NXPH1: variants seen among roughly 807,000 people sequenced by gnomAD.
NXPH1 encodes neurexophilin-1.
Under a neutral mutation model 23.7 loss-of-function variants are expected in NXPH1, and 5 were observed. The observed-to-expected ratio is 0.21, with a 90% confidence interval of 0.11 to 0.44. The LOEUF (loss-of-function observed/expected upper bound fraction) is 0.44. NXPH1 is among the 20% of genes least tolerant of loss of function. The probability of loss-of-function intolerance (pLI) is 0.99; values close to 1 mark genes in which losing one functional copy is unlikely to be tolerated. For missense variants in NXPH1, 324 were observed against 321.6 expected (o/e 1.01, Z -0.06); for synonymous variants, 144 against 122.2 (o/e 1.18, Z -1.18).
chr7:8,515,181 C>A (rs137914406), intron 2 of NXPH1, among the ~76,000 whole-genome samples: 1 of 152,136 alleles, frequency 6.6e-6, no homozygotes, highest in East Asian at 1.9e-4. Flanking sequence ...GAAAATGTTT[C>A]CCATGGGGGA....
intron 2 of NXPH1, among the ~76,000 whole-genome samples, chr7:8,545,523 C>A (rs1378792080): frequency 2.6e-5 from 4 of 151,280 alleles, no homozygotes; most frequent in African/African-American, 9.7e-5. Context: ...ACATATATAC[C>A]TCAATACACA....
At chr7:8,491,846 A>G (rs1584190958) in intron 2 of NXPH1, among the ~76,000 whole-genome samples, 1 of 152,212 alleles carries the variant, frequency 6.6e-6, no homozygotes, top group Non-Finnish European at 1.5e-5. Context: ...TTGCAGCTTC[A>G]GCTGACTGAC....
intron 2 of NXPH1, among the ~76,000 whole-genome samples, chr7:8,708,036 A>T (rs968093998): frequency 2.0e-5 from 3 of 152,312 alleles, no homozygotes; most frequent in African/African-American, 7.2e-5. Flanking sequence ...ATATATGAAT[A>T]TGCAAATTTT....
In NXPH1 at chr7:8,458,331, T is replaced by C. The variant is rs542292963; in HGVS notation, c.54+22564T>C. ...GTGGGGGAAGGAAACAACCCACAGA[T>C]TCATGCTGTGGTTGATATATACTGG... On this transcript the variant is annotated intron_variant, in intron 2 of 2. Coordinates refer to ENST00000405863, the MANE Select transcript of NXPH1 (RefSeq NM_152745.3). Among the ~76,000 whole-genome samples the C allele has an allele frequency of 5.3e-5, 8 of 152,338 alleles. No individual in the cohort carries two copies. In the East Asian group the frequency reaches 1.5e-3, roughly 29 times the overall value.
chr7:8,732,530 C>T (rs1426245560), intron 2 of NXPH1, among the ~76,000 whole-genome samples: 1 of 152,176 alleles, frequency 6.6e-6, no homozygotes, highest in Non-Finnish European at 1.5e-5. Context: ...CTTCTCTCTT[C>T]CTGAAAGGCA....
intron 2 of NXPH1, among the ~76,000 whole-genome samples, chr7:8,603,730 C>G (rs1311366312): frequency 6.6e-6 from 1 of 152,014 alleles, no homozygotes; most frequent in Non-Finnish European, 1.5e-5. Flanking sequence ...TTACTCTCTC[C>G]AGGATCTTAG....
rs906124675 is a variant in NXPH1 at position 8,752,372 on chromosome 7, T to G, written c.*603T>G. The G allele has an allele frequency of 3.9e-5, 6 of 152,834 alleles. No individual in the cohort carries two copies. The highest frequency in any genetic ancestry group is 1.2e-4 in the African/African-American group (5 of 41,420). The allele number at this position is 152,834 out of a possible 1,614,324, so 9.5% of individuals were successfully genotyped here. A position where few individuals can be genotyped will look rare whatever the true frequency, so the allele number is the denominator to read the frequency against. On this transcript the variant is annotated 3_prime_UTR_variant, in exon 3 of 3. Transcript: ENST00000405863. ...GTAGTAACTTTTTTCCAGCATACAG[T>G]AGGCACATTCAAAGTGGTCCAAGAT...
At chr7:8,455,821 A>C (rs4644134) in intron 2 of NXPH1, among the ~76,000 whole-genome samples, 89,332 of 152,144 alleles carry the variant, frequency 0.59, 28,232 homozygotes, top group East Asian at 0.85. Flanking sequence ...TGGCTTGTTA[A>C]AAAGCACATT....
intron 2 of NXPH1, among the ~76,000 whole-genome samples, chr7:8,622,583 G>T (rs1290062999): frequency 6.6e-6 from 1 of 152,276 alleles, no homozygotes; most frequent in Middle Eastern, 3.4e-3. Flanking sequence ...TATCAAATAC[G>T]AGGGATAATT....
intron 2 of NXPH1, among the ~76,000 whole-genome samples, chr7:8,534,016 A>G (rs924614043): frequency 2.0e-5 from 3 of 152,178 alleles, no homozygotes; most frequent in African/African-American, 7.2e-5. Flanking sequence ...ACCAAATGTT[A>G]ACAACATATT....
chr7:8,517,298 C>T (rs1338394991), intron 2 of NXPH1, among the ~76,000 whole-genome samples: 1 of 151,842 alleles, frequency 6.6e-6, no homozygotes, highest in Non-Finnish European at 1.5e-5. Context: ...GAAATTGGGA[C>T]TAAAGGGTAA....
intron 2 of NXPH1, among the ~76,000 whole-genome samples, chr7:8,635,254 G>A (rs915259232): frequency 6.6e-6 from 1 of 152,176 alleles, no homozygotes; most frequent in African/African-American, 2.4e-5. Context: ...GCTATTAGCA[G>A]GCTGAAGGCA....
intron 2 of NXPH1, among the ~76,000 whole-genome samples, chr7:8,701,213 A>G (rs1478624922): frequency 6.6e-6 from 1 of 152,130 alleles, no homozygotes; most frequent in Non-Finnish European, 1.5e-5. Context: ...TCTCTTCAAT[A>G]AAATGTAATT....
chr7:8,566,062 G>C (rs1354753339), intron 2 of NXPH1, among the ~76,000 whole-genome samples: 1 of 151,782 alleles, frequency 6.6e-6, no homozygotes, highest in Non-Finnish European at 1.5e-5. Flanking sequence ...GGACTTTACT[G>C]TCAAGAGAAT....
chr7:8,748,939 C>A (rs1780518301), intron 2 of NXPH1, among the ~76,000 whole-genome samples: 1 of 152,146 alleles, frequency 6.6e-6, no homozygotes, highest in Non-Finnish European at 1.5e-5. Flanking sequence ...TTTGAACAGG[C>A]AAATAGGAGA....
chr7:8,454,412 G>A (rs145626613), intron 2 of NXPH1, among the ~76,000 whole-genome samples: 2 of 152,116 alleles, frequency 1.3e-5, no homozygotes, highest in Non-Finnish European at 2.9e-5. Flanking sequence ...TACAAGGTCT[G>A]AGACAAAGCA....
intron 2 of NXPH1, among the ~76,000 whole-genome samples, chr7:8,713,306 C>G (rs183549519): frequency 2.6e-5 from 4 of 152,200 alleles, no homozygotes; most frequent in East Asian, 1.9e-4. Flanking sequence ...TTATTTATTT[C>G]TATTTCTTTG....
At chr7:8,662,196 A>AC (rs1820688512) in intron 2 of NXPH1, among the ~76,000 whole-genome samples, 1 of 148,580 alleles carries the variant, frequency 6.7e-6, no homozygotes, top group Non-Finnish European at 1.5e-5. Flanking sequence ...ATATACACAC[A>AC]TATATATATA....
At position 8,653,237 on chromosome 7, in the gene NXPH1, ATAAAC is replaced by A. The variant is rs540261993; in HGVS notation, c.55-97770_55-97766del. Among the ~76,000 whole-genome samples, 626 of 152,328 alleles carry A rather than the reference ATAAAC, an allele frequency of 4.1e-3. 4 individuals carry two copies. Among genetic ancestry groups the A allele is most frequent in the African/African-American group, 0.013 (539 of 41,572 alleles). ...TCTTTTACTATCACTCTTTTTAAAA[ATAAAC>A]GTTCCTAAATAAACACAGTTTAGTA... On this transcript the variant is annotated intron_variant, in intron 2 of 2. Coordinates refer to ENST00000405863, the MANE Select transcript of NXPH1 (RefSeq NM_152745.3).
Sources: gnomAD v4.1 joint callset for allele counts (sites outside exome capture counted in the v4.1 genomes callset) on GRCh38, gnomAD v4.1.1 for gene constraint, MANE v1.5 for transcripts, NCBI Gene and HGNC (gene_info 2026-07-23, HGNC 2026-07-21) for gene names.